Variants in ATP2B2 observed in about 807,000 individuals in gnomAD.
ATP2B2 encodes the protein plasma membrane calcium-transporting ATPase 2.
Under a neutral mutation model 120.0 loss-of-function variants are expected in ATP2B2, and 15 were observed. The ratio of observed to expected loss-of-function variants is 0.12; its 90% CI spans 0.08 to 0.19. The LOEUF (loss-of-function observed/expected upper bound fraction) is 0.19. Ranked by LOEUF, ATP2B2 falls within the 10% of genes least tolerant of loss-of-function variation. The pLI, the probability that ATP2B2 is intolerant of heterozygous loss-of-function variation, is 1.00. For missense variants in ATP2B2, 1,045 were observed against 1,719.8 expected (o/e 0.61, Z 6.94); for synonymous variants, 694 against 700.3 (o/e 0.99, Z 0.14).
intron 1 of ATP2B2, among the ~76,000 whole-genome samples, chr3:10,459,087 G>A (rs946168265): frequency 2.6e-5 from 4 of 152,220 alleles, no homozygotes; most frequent in Admixed American, 6.5e-5. Context: ...TGCAGGTCAA[G>A]TCGTGCTTGG....
In ATP2B2 at chr3:10,512,464, G is replaced by GCGCGCGCGCGCACA. The variant is rs749056818; in HGVS notation, c.-320+21574_-320+21575insTGTGCGCGCGCGCG. On this transcript the variant is annotated intron_variant, in intron 3 of 21. Transcript: ENST00000646379. Reference sequence around the variant, plus strand: ...TATTCCTGGGTGCTAAAGTGTGTGCGCACACACACACACACACACACACAC... The same window carrying GCGCGCGCGCGCACA: ...TATTCCTGGGTGCTAAAGTGTGTGCGCGCGCGCGCGCACACACACACACACACACACACACACAC... 3.8e-4 allele frequency among the ~76,000 whole-genome samples: 52 copies of GCGCGCGCGCGCACA among 137,020 alleles called. No individual in the cohort carries two copies. The East Asian group carries it at 7.4e-3, about 20-fold the overall frequency. The allele number at this position is 137,020 out of a possible 152,430, so 89.9% of individuals were successfully genotyped here. A position where few individuals can be genotyped will look rare whatever the true frequency, so the allele number is the denominator to read the frequency against.
At chr3:10,627,299 G>A (rs1170127362) in intron 1 of ATP2B2, among the ~76,000 whole-genome samples, 2 of 152,220 alleles carry the variant, frequency 1.3e-5, no homozygotes, top group African/African-American at 4.8e-5. Context: ...GCTCCATCTC[G>A]CTCTGCCTTT....
chr3:10,514,385 G>C (rs988495953), intron 3 of ATP2B2, among the ~76,000 whole-genome samples: 1 of 152,146 alleles, frequency 6.6e-6, no homozygotes, highest in Non-Finnish European at 1.5e-5. Flanking sequence ...GTCTTGATGG[G>C]TTCCTTAGAC....
intron 1 of ATP2B2, among the ~76,000 whole-genome samples, chr3:10,472,119 A>AAG (rs1161343515): frequency 6.6e-6 from 1 of 151,790 alleles, no homozygotes; most frequent in East Asian, 1.9e-4. Context: ...ATCAAGACCT[A>AAG]AGAAGGGAGG....
chr3:10,614,203 C>T (rs750875871), intron 2 of ATP2B2, among the ~76,000 whole-genome samples: 4 of 152,134 alleles, frequency 2.6e-5, no homozygotes, highest in African/African-American at 4.8e-5. Context: ...AAGGCAGGAA[C>T]CACGTCTACT....
In ATP2B2 at chr3:10,343,065, G is replaced by T; in HGVS notation, c.2704-100C>A. 1 of 1,276,422 alleles carries T rather than the reference G, an allele frequency of 7.8e-7. No homozygotes were observed. Among genetic ancestry groups the T allele is most frequent in the Non-Finnish European group, 1.1e-6 (1 of 897,956 alleles). 79.1% of individuals were successfully genotyped at this position (1,276,422 alleles called of 1,614,324 possible). On this transcript the variant is annotated intron_variant, in intron 18 of 22. Transcript: ENST00000360273. This position sits in a 1 kb window ranked among gnomAD's most constrained non-coding sequence, Gnocchi z 4.2. ...TAGTGTCCGCAGGCTCCTGCTGGAG[G>T]CTGGAGTCCGACCTGCCCCTTGGCT...
chr3:10,591,162 C>T (rs546141115), intron 2 of ATP2B2, among the ~76,000 whole-genome samples: 7 of 152,066 alleles, frequency 4.6e-5, no homozygotes, highest in African/African-American at 1.2e-4. Context: ...CCCCAGTAGA[C>T]GTCCCTGAGG....
chr3:10,501,440 G>A (rs1169135912), intron 1 of ATP2B2, among the ~76,000 whole-genome samples: 1 of 148,582 alleles, frequency 6.7e-6, no homozygotes, highest in Admixed American at 6.8e-5. Flanking sequence ...GCACAATCAC[G>A]GCTCACTGCA....
At chr3:10,630,820 G>A (rs2069841991) in intron 1 of ATP2B2, among the ~76,000 whole-genome samples, 2 of 130,106 alleles carry the variant, frequency 1.5e-5, no homozygotes, top group Admixed American at 1.8e-4. Context: ...TGGCAATGAG[G>A]AAAGCAAGGC....
chr3:10,467,641 T>C (rs1030963801), intron 1 of ATP2B2, among the ~76,000 whole-genome samples: 7 of 152,132 alleles, frequency 4.6e-5, no homozygotes, highest in Admixed American at 2.0e-4. Context: ...TCCACGCTTA[T>C]GTTTGAATAA....
intron 2 of ATP2B2, among the ~76,000 whole-genome samples, chr3:10,574,834 C>A (rs529332987): frequency 6.6e-6 from 1 of 151,814 alleles, no homozygotes; most frequent in Non-Finnish European, 1.5e-5. Context: ...GGAGACTGCA[C>A]GGTAGGGGAA....
intron 2 of ATP2B2, among the ~76,000 whole-genome samples, chr3:10,551,588 C>T (rs2067671193): frequency 6.6e-6 from 1 of 152,234 alleles, no homozygotes; most frequent in Non-Finnish European, 1.5e-5. Context: ...TCTAGGCTAA[C>T]TCAGATTTAG....
chr3:10,438,092 G>A (rs1026097707), intron 2 of ATP2B2, among the ~76,000 whole-genome samples: 6 of 152,238 alleles, frequency 3.9e-5, no homozygotes, highest in Admixed American at 3.9e-4. Context: ...GGGTGTCTCT[G>A]CCCCCTGGCC....
chr3:10,483,585 T>C (rs1179798062), intron 1 of ATP2B2, among the ~76,000 whole-genome samples: 1 of 152,154 alleles, frequency 6.6e-6, no homozygotes, highest in Admixed American at 6.5e-5. Context: ...CCTGGAAGCC[T>C]CTTACTGGGG....
At chr3:10,589,900 A>G (rs1374847902) in intron 2 of ATP2B2, among the ~76,000 whole-genome samples, 2 of 152,218 alleles carry the variant, frequency 1.3e-5, no homozygotes, top group East Asian at 3.8e-4. Context: ...TGTGACATAA[A>G]CCTACCACAT....
intron 2 of ATP2B2, among the ~76,000 whole-genome samples, chr3:10,618,973 T>C (rs1419805196): frequency 6.6e-6 from 1 of 150,876 alleles, no homozygotes; most frequent in Non-Finnish European, 1.5e-5. Context: ...AGGGAGGGGG[T>C]GTTGGGTGGG....
chr3:10,341,896 A>G (rs1030586358), intron 19 of ATP2B2, among the ~76,000 whole-genome samples: 3 of 88,968 alleles, frequency 3.4e-5, no homozygotes, highest in African/African-American at 6.0e-5. Context: ...ATAAAAGGCA[A>G]CTAACTGCCT....
intron 2 of ATP2B2, among the ~76,000 whole-genome samples, chr3:10,435,635 C>T (rs1225504817): frequency 1.3e-5 from 2 of 152,134 alleles, no homozygotes; most frequent in African/African-American, 4.8e-5. Context: ...TAAAGGTGGA[C>T]TTTCAGGCAG....
chr3:10,545,610 T>C (rs1321832727), intron 2 of ATP2B2, among the ~76,000 whole-genome samples: 4 of 151,918 alleles, frequency 2.6e-5, no homozygotes, highest in Non-Finnish European at 5.9e-5. Flanking sequence ...AGCAAAGAAA[T>C]GGTCTGTTTC....
Sources: allele counts gnomAD v4.1 joint callset (sites outside exome capture counted in the v4.1 genomes callset), GRCh38; gene constraint gnomAD v4.1.1; non-coding constraint Gnocchi (gnomAD v3.1); transcripts MANE v1.5; gene names NCBI Gene and HGNC (gene_info 2026-07-23, HGNC 2026-07-21).